The following CDCA2 variants were observed in gnomAD, a reference collection of about 807,000 sequenced individuals.
CDCA2 encodes cell division cycle-associated protein 2.
In CDCA2, 44 loss-of-function variants were observed where a neutral mutation model predicts 67.0. That is an observed-to-expected ratio of 0.66 (90% CI 0.52 to 0.84). The LOEUF (loss-of-function observed/expected upper bound fraction) is 0.84, where lower values mean the gene tolerates loss of function less well. Ranked by LOEUF, CDCA2 falls within the 40% of genes least tolerant of loss-of-function variation. The pLI is 0.00. For missense variants in CDCA2, 1,253 were observed against 1,203.2 expected (o/e 1.04, Z -0.61); for synonymous variants, 447 against 418.7 (o/e 1.07, Z -0.82).
intron 7 of CDCA2, among the ~76,000 whole-genome samples, chr8:25,478,637 C>T (rs1803440319): frequency 6.6e-6 from 1 of 152,110 alleles, no homozygotes. Context: ...CCCACTGTTC[C>T]AGCCACAGCA....
At chr8:25,469,326 C>T (rs1437511737) in intron 6 of CDCA2, among the ~76,000 whole-genome samples, 1 of 152,190 alleles carries the variant, frequency 6.6e-6, no homozygotes, top group Admixed American at 6.5e-5. Context: ...ATCTCGGCTG[C>T]CTCCGCCCTT....
In CDCA2 at chr8:25,488,585, A is replaced by G. The variant is rs1803872730; in HGVS notation, c.1567A>G (p.Asn523Asp). ...CAGTGTTGTAGAAGAGAGTGTTTGC[A>G]ACTTATTGAATACAGAAGTTCAGCC... Reference protein sequence around the residue: ...LVSVVEESVCNLLNTEVQPCK... With the variant: ...LVSVVEESVCDLLNTEVQPCK... Residue 523 changes from asparagine (N) to aspartate (D), a missense_variant, in exon 13 of 15, where the codon AAC (asparagine) becomes GAC (aspartate). Transcript: ENST00000330560. 6.2e-7 allele frequency: 1 copy of G among 1,612,246 alleles called. No individual in the cohort carries two copies. The highest frequency in any genetic ancestry group is 2.2e-5 in the East Asian group (1 of 44,804).
At chr8:25,495,859 A>C (rs1351243902) in intron 13 of CDCA2, among the ~76,000 whole-genome samples, 2 of 152,242 alleles carry the variant, frequency 1.3e-5, no homozygotes, top group African/African-American at 4.8e-5. Context: ...ATGTGCACTC[A>C]GAGACAAAAG....
chr8:25,470,905 G>A (rs950189698), intron 7 of CDCA2, among the ~76,000 whole-genome samples: 1 of 151,968 alleles, frequency 6.6e-6, no homozygotes, highest in African/African-American at 2.4e-5. Context: ...GGGATTACAG[G>A]CGTGCACCAC....
At chr8:25,467,491 C>CT (rs1294656930) in intron 5 of CDCA2, among the ~76,000 whole-genome samples, 1 of 151,744 alleles carries the variant, frequency 6.6e-6, no homozygotes, top group Non-Finnish European at 1.5e-5. Context: ...CAGACAGTTC[C>CT]TTTTTTTTAG....
chr8:25,474,903 CA>C (rs1020239316), intron 7 of CDCA2, among the ~76,000 whole-genome samples: 6 of 152,160 alleles, frequency 3.9e-5, no homozygotes, highest in Non-Finnish European at 8.8e-5. Flanking sequence ...TAGGGTTAAG[CA>C]GAGCACTGAG....
rs1346275397 is a variant in CDCA2, at chr8:25,466,191, A to T, written c.404A>T (p.Tyr135Phe). 8 of 1,610,412 alleles carry T rather than the reference A, an allele frequency of 5.0e-6. No homozygotes were observed. The highest frequency in any genetic ancestry group is 4.5e-5 in the East Asian group (2 of 44,796). Reference sequence around the variant, plus strand: ...CTTTCACAGGGCAGCCCTGCACTGTATCGAAATGTTAACACTTTAAGAGAA... The same window carrying T: ...CTTTCACAGGGCAGCCCTGCACTGTTTCGAAATGTTAACACTTTAAGAGAA... ...DSPSQGSPAL[Y>F]RNVNTLRERI... Residue 135 changes from tyrosine (Y) to phenylalanine (F), a missense_variant, in exon 5 of 15, where the codon TAT (tyrosine) becomes TTT (phenylalanine). Coordinates refer to ENST00000330560, the MANE Select transcript of CDCA2 (RefSeq NM_152562.4).
Position 25,503,714 on chromosome 8 carries a change from C to T in CDCA2, c.1843+170C>T, listed in dbSNP as rs919016672. On this transcript the variant is annotated intron_variant, in intron 14 of 14. Transcript: ENST00000330560. Reference sequence around the variant, plus strand: ...GGATTTCAAATGGAGGAAACAGTCACGTGTAACTTGTAGGTGACTTAGATC... The same window carrying T: ...GGATTTCAAATGGAGGAAACAGTCATGTGTAACTTGTAGGTGACTTAGATC... Among the ~76,000 whole-genome samples, 9 of 152,162 alleles carry T rather than the reference C, an allele frequency of 5.9e-5. No homozygotes were observed. The South Asian group carries it at 1.2e-3, about 21-fold the overall frequency.
chr8:25,468,469 A>G (rs1803013725), intron 6 of CDCA2, 56 bp downstream of exon 6: 1 of 1,440,338 alleles, frequency 6.9e-7, no homozygotes, highest in Non-Finnish European at 9.6e-7. Flanking sequence ...CTGCATAGGC[A>G]GTTTTAAGGC....
chr8:25,501,181 A>G (rs1804460448), intron 13 of CDCA2, among the ~76,000 whole-genome samples: 1 of 152,216 alleles, frequency 6.6e-6, no homozygotes, highest in Non-Finnish European at 1.5e-5. Context: ...ATAGAATTTC[A>G]TGTTAAATGT....
chr8:25,487,691 C>T (rs1025743180), intron 12 of CDCA2, among the ~76,000 whole-genome samples: 2 of 151,914 alleles, frequency 1.3e-5, no homozygotes, highest in African/African-American at 4.8e-5. Context: ...TGCCGGGAGC[C>T]GAGATGGCGC....
chr8:25,467,239 T>C (rs556859904), intron 5 of CDCA2, among the ~76,000 whole-genome samples: 2 of 152,062 alleles, frequency 1.3e-5, no homozygotes, highest in African/African-American at 2.4e-5. Context: ...ATTATAACCA[T>C]TCTCTGGTAC....
At chr8:25,466,389 G>T (rs1802904650) in intron 5 of CDCA2, 64 bp downstream of exon 5, 1 of 1,431,114 alleles carries the variant, frequency 7.0e-7, no homozygotes, top group African/African-American at 1.5e-5. Flanking sequence ...TCTGAGTTAT[G>T]AAATGATTTA....
chr8:25,507,914 T>C, downstream of CDCA2: 1 of 501,282 alleles, frequency 2.0e-6, no homozygotes, highest in Non-Finnish European at 3.3e-6. Context: ...ATCATTCAGA[T>C]AGAAAACATT....
chr8:25,506,394 T>C (rs1349061750), intron 14 of CDCA2, 116 bp from the exon 15 acceptor site: 2 of 876,512 alleles, frequency 2.3e-6, no homozygotes, highest in African/African-American at 3.4e-5. Flanking sequence ...CATTTGTGGG[T>C]CTTGTGAATG....
intron 8 of CDCA2, among the ~76,000 whole-genome samples, chr8:25,480,720 G>C (rs1274234940): frequency 1.3e-5 from 2 of 152,194 alleles, no homozygotes; most frequent in East Asian, 3.8e-4. Context: ...AGTGAACCCA[G>C]ATAAGTCTGC....
chr8:25,507,622 A>G lies in CDCA2; in HGVS notation c.2956A>G (p.Thr986Ala), dbSNP rs762108532. Residue 986 changes from threonine (T) to alanine (A), a missense_variant, in exon 15 of 15, where the codon ACT becomes GCT. Physicochemically the swap from Thr to Ala is moderately conservative, Grantham distance 58. Coordinates refer to ENST00000330560, the MANE Select transcript of CDCA2 (RefSeq NM_152562.4). ...KSFCISTLAN[T>A]KATSQFKGYR... ...CTTTTGTATATCTACACTTGCAAAT[A>G]CTAAAGCCACTTCCCAGTTCAAAGG... 3.1e-6 allele frequency: 5 copies of G among 1,614,112 alleles called. No homozygotes were observed.
intron 13 of CDCA2, among the ~76,000 whole-genome samples, chr8:25,489,216 A>G (rs1803906084): frequency 6.6e-6 from 1 of 152,042 alleles, no homozygotes; most frequent in African/African-American, 2.4e-5. Flanking sequence ...CAGCTCAGTG[A>G]TCTGGACTCC....
intron 4 of CDCA2, among the ~76,000 whole-genome samples, chr8:25,465,307 T>G (rs2117480543): frequency 6.6e-6 from 1 of 152,318 alleles, no homozygotes; most frequent in African/African-American, 2.4e-5. Context: ...GAGGTAATTT[T>G]TACTTCACTT....
Sources: gnomAD v4.1 joint callset for allele counts (sites outside exome capture counted in the v4.1 genomes callset) on GRCh38, gnomAD v4.1.1 for gene constraint, MANE v1.5 for transcripts, NCBI Gene and HGNC (gene_info 2026-07-23, HGNC 2026-07-21) for gene names.